Variants in DOCK7 observed in about 807,000 individuals in gnomAD.
DOCK7 encodes the protein dedicator of cytokinesis protein 7.
Under a neutral mutation model 271.0 loss-of-function variants are expected in DOCK7, and 138 were observed. The observed-to-expected ratio is 0.51, with a 90% confidence interval of 0.44 to 0.59. The LOEUF (loss-of-function observed/expected upper bound fraction) is 0.59. DOCK7 is among the 20% of genes least tolerant of loss of function. The probability of loss-of-function intolerance (pLI) is 0.00; values close to 1 mark genes in which losing one functional copy is unlikely to be tolerated. For missense variants in DOCK7, 2,066 were observed against 2,592.4 expected (o/e 0.80, Z 4.41); for synonymous variants, 823 against 876.1 (o/e 0.94, Z 1.07).
At chr1:62,661,779 AT>A in intron 2 of DOCK7, among the ~76,000 whole-genome samples, 1 of 152,262 alleles carries the variant, frequency 6.6e-6, no homozygotes, top group Non-Finnish European at 1.5e-5. Flanking sequence ...TAAAACTAAG[AT>A]TACATATGGG....
chr1:62,487,252 T>C (rs1282727222), intron 43 of DOCK7, 146 bp downstream of exon 43: 1 of 712,964 alleles, frequency 1.4e-6, no homozygotes, highest in African/African-American at 1.8e-5. Context: ...TACAATATTT[T>C]AACAAAATTT....
At chr1:62,537,693 C>A (rs1645392457) in intron 28 of DOCK7, among the ~76,000 whole-genome samples, 198 bp downstream of exon 28, 1 of 151,878 alleles carries the variant, frequency 6.6e-6, no homozygotes, top group Non-Finnish European at 1.5e-5. Context: ...GTTTTTCTAA[C>A]CTGCAAAATG....
At chr1:62,544,768 T>C (rs1367038121) in intron 23 of DOCK7, among the ~76,000 whole-genome samples, 179 bp downstream of exon 23, 1 of 152,156 alleles carries the variant, frequency 6.6e-6, no homozygotes, top group Admixed American at 6.6e-5. Context: ...AGAAGAACAT[T>C]ACTGGTGCAA....
chr1:62,663,747 T>G (rs1296119491), intron 1 of DOCK7, among the ~76,000 whole-genome samples: 1 of 152,190 alleles, frequency 6.6e-6, no homozygotes, highest in Non-Finnish European at 1.5e-5. Context: ...TTCACACACT[T>G]TTACTGAGCA....
At chr1:62,590,951 A>C (rs1648348653) in intron 14 of DOCK7, among the ~76,000 whole-genome samples, 1 of 152,198 alleles carries the variant, frequency 6.6e-6, no homozygotes. Flanking sequence ...AAGAGCAAAA[A>C]GCAAAACTAC....
At chr1:62,575,571 C>T (rs548813032) in intron 18 of DOCK7, among the ~76,000 whole-genome samples, 3 of 152,106 alleles carry the variant, frequency 2.0e-5, no homozygotes, top group Non-Finnish European at 4.4e-5. Flanking sequence ...CAACAGTAAG[C>T]TATTATATTA....
At chr1:62,684,976 T>G (rs1025248464) in intron 1 of DOCK7, among the ~76,000 whole-genome samples, 1 of 152,164 alleles carries the variant, frequency 6.6e-6, no homozygotes, top group Non-Finnish European at 1.5e-5. Flanking sequence ...CACAAAGCTT[T>G]GAAAAGAAAT....
intron 14 of DOCK7, among the ~76,000 whole-genome samples, chr1:62,593,917 T>A (rs184325021): frequency 3.7e-4 from 57 of 152,284 alleles, no homozygotes; most frequent in Admixed American, 3.4e-3. Context: ...ATACCTTGTA[T>A]TTTATTTGAA....
At chr1:62,669,928 T>C (rs1025749501) in intron 1 of DOCK7, among the ~76,000 whole-genome samples, 11 of 152,192 alleles carry the variant, frequency 7.2e-5, no homozygotes, top group Non-Finnish European at 1.5e-4. Context: ...GTGCGGCACT[T>C]GCGGGCCAGC....
At chr1:62,661,576 T>G (rs1172232776) in intron 2 of DOCK7, among the ~76,000 whole-genome samples, 1 of 152,116 alleles carries the variant, frequency 6.6e-6, no homozygotes, top group African/African-American at 2.4e-5. Flanking sequence ...GGGCAGTATA[T>G]AGCTCAGAAT....
chr1:62,539,967 A>C (rs1645473873), intron 25 of DOCK7, 75 bp from the exon 26 acceptor site: 1 of 1,007,408 alleles, frequency 9.9e-7, no homozygotes, highest in Admixed American at 3.5e-5. Context: ...CACTTGGACT[A>C]TTTTTAAAAT....
chr1:62,661,005 G>A (rs1658597820), intron 2 of DOCK7, among the ~76,000 whole-genome samples: 1 of 151,902 alleles, frequency 6.6e-6, no homozygotes, highest in African/African-American at 2.4e-5. Context: ...AGGCTGATAT[G>A]GGAGGATCAC....
At chr1:62,574,612 T>C (rs1646886529) in intron 18 of DOCK7, among the ~76,000 whole-genome samples, 1 of 152,168 alleles carries the variant, frequency 6.6e-6, no homozygotes, top group South Asian at 2.1e-4. Flanking sequence ...TTATACAACA[T>C]GGCAGAAGGG....
At chr1:62,485,716 G>T in intron 43 of DOCK7, 2 of 981,150 alleles carry the variant, frequency 2.0e-6, no homozygotes, top group Non-Finnish European at 2.4e-6. Context: ...CAAGAGAGAA[G>T]AGAAAACAGA....
At chr1:62,604,115 C>T (rs769937916) in intron 14 of DOCK7, 6 of 1,613,398 alleles carry the variant, frequency 3.7e-6, no homozygotes, top group Admixed American at 1.7e-5. Context: ...CAACTATACG[C>T]TACATCTAGT....
chr1:62,658,047 A>G (rs1189177550), intron 2 of DOCK7, among the ~76,000 whole-genome samples: 1 of 152,104 alleles, frequency 6.6e-6, no homozygotes, highest in East Asian at 1.9e-4. Context: ...ATAAAAAGAC[A>G]TAAGCCTACA....
chr1:62,604,315 C>G, intron 14 of DOCK7: 1 of 1,542,828 alleles, frequency 6.5e-7, no homozygotes, highest in South Asian at 1.2e-5. Context: ...TCTGCAATGA[C>G]AACTTTTAAA....
chr1:62,611,777 A>G (rs1263235810), intron 14 of DOCK7, among the ~76,000 whole-genome samples: 5 of 151,012 alleles, frequency 3.3e-5, no homozygotes, highest in African/African-American at 7.3e-5. Context: ...ACTACTCAAG[A>G]AAAAAAAACT....
intron 14 of DOCK7, chr1:62,601,839 C>T: frequency 6.2e-7 from 1 of 1,610,148 alleles, no homozygotes; most frequent in South Asian, 1.1e-5. Flanking sequence ...CCATCAGACC[C>T]AGCAACTCTC....
Sources: gnomAD v4.1 joint callset for allele counts (sites outside exome capture counted in the v4.1 genomes callset) on GRCh38, gnomAD v4.1.1 for gene constraint, MANE v1.5 for transcripts, NCBI Gene and HGNC (gene_info 2026-07-23, HGNC 2026-07-21) for gene names.